DLG2: variants seen among roughly 807,000 people sequenced by gnomAD.
DLG2 encodes the protein discs large MAGUK scaffold protein 2.
A neutral mutation model predicts 132.5 loss-of-function variants in DLG2; 45 were observed. The ratio of observed to expected loss-of-function variants is 0.34; its 90% CI spans 0.27 to 0.44. The LOEUF (loss-of-function observed/expected upper bound fraction) is 0.44, where lower values mean the gene tolerates loss of function less well. DLG2 is among the 20% of genes least tolerant of loss of function. The pLI is 1.00. For missense variants in DLG2, 1,045 were observed against 1,196.9 expected, an observed-to-expected ratio of 0.87 and a Z score of 1.87; for synonymous variants, 424 against 419.6, an observed-to-expected ratio of 1.01 and a Z score of -0.13.
chr11:84,340,635 C>T (rs2098510286), intron 7 of DLG2, among the ~76,000 whole-genome samples: 1 of 152,112 alleles, frequency 6.6e-6, no homozygotes. Context: ...GACACCTGGC[C>T]AGTAAACAGT....
chr11:84,481,474 C>T (rs898357609), intron 7 of DLG2, among the ~76,000 whole-genome samples: 1 of 152,078 alleles, frequency 6.6e-6, no homozygotes, highest in African/African-American at 2.4e-5. Context: ...AATAGTAGTA[C>T]TTATCTCACA....
chr11:83,871,747 T>C (rs989328749), intron 16 of DLG2, among the ~76,000 whole-genome samples: 5 of 152,230 alleles, frequency 3.3e-5, no homozygotes, highest in Admixed American at 3.3e-4. Context: ...ATTTCAGTAA[T>C]GCTAAGTTAT....
intron 6 of DLG2, among the ~76,000 whole-genome samples, chr11:84,645,855 T>C (rs2099674278): frequency 6.6e-6 from 1 of 152,164 alleles, no homozygotes; most frequent in Non-Finnish European, 1.5e-5. Context: ...TTGCACGCAC[T>C]CCAGTAGAAC....
chr11:84,388,189 G>T (rs2098778680), intron 7 of DLG2, among the ~76,000 whole-genome samples: 1 of 152,090 alleles, frequency 6.6e-6, no homozygotes, highest in African/African-American at 2.4e-5. Flanking sequence ...TAACAGCAGA[G>T]AAGTTATTAC....
intron 17 of DLG2, chr11:83,790,595 TC>T: frequency 7.6e-7 from 1 of 1,322,924 alleles, no homozygotes; most frequent in Non-Finnish European, 1.1e-6. Flanking sequence ...TGCCAGTAAG[TC>T]CACTGAAGTT....
At chr11:84,334,545 A>C in intron 7 of DLG2, among the ~76,000 whole-genome samples, 1 of 152,250 alleles carries the variant, frequency 6.6e-6, no homozygotes, top group East Asian at 1.9e-4. Context: ...CAAACTACGC[A>C]AAGTTGAAAC....
rs561005817 is a variant in DLG2 at position 84,168,246 on chromosome 11, T to G, written c.574-4735A>C. On this transcript the variant is annotated intron_variant, in intron 8 of 27. Transcript: ENST00000376104. ...TAATATTTAAAATATAGAGGTAGAC[T>G]AAAGCTGCAGCGCCACTATTGCCAC... is the stretch of plus-strand genomic sequence containing the variant. 1.4e-4 allele frequency among the ~76,000 whole-genome samples: 22 copies of G among 152,364 alleles called. No individual in the cohort carries two copies. In the South Asian group the frequency reaches 4.6e-3, roughly 32 times the overall value.
chr11:84,891,499 A>G (rs1335869437), intron 6 of DLG2, among the ~76,000 whole-genome samples: 1 of 152,158 alleles, frequency 6.6e-6, no homozygotes, highest in Non-Finnish European at 1.5e-5. Flanking sequence ...TCAACCCTAT[A>G]TATGTGGAAA....
At chr11:85,480,994 G>C (rs1203797711) in intron 3 of DLG2, among the ~76,000 whole-genome samples, 1 of 152,196 alleles carries the variant, frequency 6.6e-6, no homozygotes, top group Non-Finnish European at 1.5e-5. Context: ...TTGCCTCGCT[G>C]GCTGGGTGGG....
chr11:83,984,148 G>A (rs2093033819), intron 11 of DLG2, among the ~76,000 whole-genome samples: 1 of 151,968 alleles, frequency 6.6e-6, no homozygotes, highest in East Asian at 1.9e-4. Flanking sequence ...GTTGAAGACT[G>A]CACAAAGACA....
At chr11:83,888,187 A>T (rs1440248021) in intron 15 of DLG2, among the ~76,000 whole-genome samples, 27 of 151,900 alleles carry the variant, frequency 1.8e-4, no homozygotes, top group East Asian at 7.8e-4. Context: ...ACATGATTGT[A>T]TATCTAGAAA....
chr11:83,804,169 A>G (rs541138884), intron 17 of DLG2, among the ~76,000 whole-genome samples: 1 of 152,216 alleles, frequency 6.6e-6, no homozygotes, highest in Middle Eastern at 3.4e-3. Flanking sequence ...CTTTCATCAA[A>G]TCTTCCCAAT....
At chr11:84,033,207 T>G (rs1310339003) in intron 11 of DLG2, among the ~76,000 whole-genome samples, 5 of 152,218 alleles carry the variant, frequency 3.3e-5, no homozygotes, top group Admixed American at 3.3e-4. Flanking sequence ...CTCTGATGCA[T>G]CTGAGTAAAG....
At position 83,980,573 on chromosome 11, in the gene DLG2, G is replaced by T; in HGVS notation, c.989C>A (p.Thr330Asn). 6.2e-7 allele frequency: 1 copy of T among 1,613,632 alleles called. No homozygotes were observed. The highest frequency in any genetic ancestry group is 8.5e-7 in the Non-Finnish European group (1 of 1,179,808). The change falls in exon 12 of 28, where the codon ACT becomes AAT. Residue 330 changes from threonine to asparagine, a missense_variant. Coordinates refer to ENST00000376104, the MANE Select transcript of DLG2 (RefSeq NM_001142699.3). ...HIPGDNSIYV[T>N]KIIDGGAAQK... ...TGCAGCTCCTCCATCTATAATTTTA[G>T]TTACATAAATGCTGTTGTCTCCAGG...
intron 6 of DLG2, among the ~76,000 whole-genome samples, chr11:84,809,056 T>G (rs2076286226): frequency 6.6e-6 from 1 of 151,908 alleles, no homozygotes; most frequent in Non-Finnish European, 1.5e-5. Context: ...AATTAGCAAA[T>G]AAATTTCGAC....
chr11:85,111,458 T>C (rs2072722315), intron 6 of DLG2, among the ~76,000 whole-genome samples: 1 of 152,172 alleles, frequency 6.6e-6, no homozygotes, highest in Admixed American at 6.6e-5. Context: ...CAAGTTATCC[T>C]GACTCCAACA....
At chr11:85,473,460 T>C (rs935495317) in intron 3 of DLG2, among the ~76,000 whole-genome samples, 3 of 152,212 alleles carry the variant, frequency 2.0e-5, no homozygotes, top group Non-Finnish European at 4.4e-5. Context: ...TTAGCATATA[T>C]GTTTAAAAGA....
At chr11:83,496,850 A>G (rs2094172721) in intron 21 of DLG2, among the ~76,000 whole-genome samples, 1 of 152,206 alleles carries the variant, frequency 6.6e-6, no homozygotes, top group African/African-American at 2.4e-5. Flanking sequence ...AGCCCATGCT[A>G]GTCTCCTAAA....
intron 3 of DLG2, among the ~76,000 whole-genome samples, chr11:85,485,096 G>T (rs1450065208): frequency 4.3e-4 from 65 of 151,846 alleles, no homozygotes; most frequent in African/African-American, 1.5e-3. Context: ...GCAAACTATC[G>T]CAAGGACAAA....
Sources: gnomAD v4.1 joint callset for allele counts (sites outside exome capture counted in the v4.1 genomes callset) on GRCh38, gnomAD v4.1.1 for gene constraint, MANE v1.5 for transcripts, NCBI Gene and HGNC (gene_info 2026-07-23, HGNC 2026-07-21) for gene names.